Variants in KCNQ5 observed in about 807,000 individuals in gnomAD.
KCNQ5 encodes potassium voltage-gated channel subfamily Q member 5.
In KCNQ5, 30 loss-of-function variants were observed where a neutral mutation model predicts 98.2. The observed-to-expected ratio is 0.31, with a 90% CI of 0.23 to 0.41. The LOEUF (loss-of-function observed/expected upper bound fraction) is 0.41. KCNQ5 is among the 10% of genes least tolerant of loss of function. The pLI, the probability that KCNQ5 is intolerant of heterozygous loss-of-function variation, is 1.00. For synonymous variants in KCNQ5, 458 were observed against 449.4 expected (o/e 1.02, Z -0.24); for missense variants, 835 against 1,182.5 (o/e 0.71, Z 4.31).
intron 1 of KCNQ5, among the ~76,000 whole-genome samples, chr6:72,800,976 C>T (rs1288780242): frequency 1.3e-5 from 2 of 151,910 alleles, no homozygotes; most frequent in Non-Finnish European, 2.9e-5. Context: ...TTTGATTGCA[C>T]TGTGGTCTGA....
At chr6:72,643,963 T>C (rs1462774503) in intron 1 of KCNQ5, among the ~76,000 whole-genome samples, 2 of 152,112 alleles carry the variant, frequency 1.3e-5, no homozygotes, top group Non-Finnish European at 2.9e-5. Context: ...TACTGCATCC[T>C]TTGAAAAGAA....
chr6:73,143,198 T>G (rs1316899016), intron 10 of KCNQ5, among the ~76,000 whole-genome samples: 1 of 152,164 alleles, frequency 6.6e-6, no homozygotes, highest in Non-Finnish European at 1.5e-5. Context: ...AAATCAAAGT[T>G]GGATGATCAA....
chr6:72,898,252 A>G (rs1183874573), intron 1 of KCNQ5, among the ~76,000 whole-genome samples: 1 of 152,072 alleles, frequency 6.6e-6, no homozygotes, highest in Non-Finnish European at 1.5e-5. Flanking sequence ...TGCTGCATCT[A>G]TCAACCCGTC....
At chr6:72,955,374 G>A (rs1405221671) in intron 1 of KCNQ5, among the ~76,000 whole-genome samples, 1 of 152,056 alleles carries the variant, frequency 6.6e-6, no homozygotes. Context: ...TCAAATTGAG[G>A]CCTTTGATTA....
chr6:73,173,644 A>G (rs957886045), intron 11 of KCNQ5, among the ~76,000 whole-genome samples: 3 of 152,198 alleles, frequency 2.0e-5, no homozygotes, highest in Non-Finnish European at 4.4e-5. Flanking sequence ...AAATTAATAT[A>G]TGCTGTTTAA....
intron 1 of KCNQ5, among the ~76,000 whole-genome samples, chr6:72,856,839 T>C (rs3005764): frequency 0.27 from 41,108 of 152,154 alleles, 5,643 homozygotes; most frequent in South Asian, 0.31. Flanking sequence ...TCTGGTGATG[T>C]AGCTGCACAC....
chr6:72,864,948 A>C (rs2150156278), intron 1 of KCNQ5, among the ~76,000 whole-genome samples: 1 of 152,372 alleles, frequency 6.6e-6, no homozygotes, highest in Middle Eastern at 3.4e-3. Flanking sequence ...AGCTCTTCAC[A>C]TCTGAGTCAA....
intron 2 of KCNQ5, among the ~76,000 whole-genome samples, chr6:73,005,845 G>A (rs1014140459): frequency 6.6e-6 from 1 of 152,100 alleles, no homozygotes; most frequent in Non-Finnish European, 1.5e-5. Context: ...ATAGGGAGAG[G>A]GTTTGTTAAT....
Position 72,928,675 on chromosome 6 carries a change from A to C in KCNQ5, c.399-75233A>C, listed in dbSNP as rs1190527071. On this transcript the variant is annotated intron_variant, in intron 1 of 13. Coordinates refer to ENST00000370398, the MANE Select transcript of KCNQ5 (RefSeq NM_019842.4). ...TCTAGCTAGCTAGCTACATAGATAG[A>C]TAGAAGTAGACAGAGATATAGATAT... Among the ~76,000 whole-genome samples, 56 of 152,244 alleles carry C rather than the reference A, an allele frequency of 3.7e-4. No homozygotes were observed. The Middle Eastern group carries it at 0.01, about 28-fold the overall frequency.
At chr6:72,645,491 T>A (rs546735756) in intron 1 of KCNQ5, among the ~76,000 whole-genome samples, 2 of 152,138 alleles carry the variant, frequency 1.3e-5, no homozygotes, top group East Asian at 3.9e-4. Context: ...GGAAGTTTAA[T>A]AAGTAGGAAA....
In KCNQ5 at chr6:72,698,813, C is replaced by A. The variant is rs575332460; in HGVS notation, c.398+76226C>A. On this transcript the variant is annotated intron_variant, in intron 1 of 13. Transcript: ENST00000370398. Reference sequence around the variant, plus strand: ...AGGACTGCAGGCATGCACTTCCATGCCTGGCTATTTTTTTATTTTTATTGT... The same window carrying A: ...AGGACTGCAGGCATGCACTTCCATGACTGGCTATTTTTTTATTTTTATTGT... Among the ~76,000 whole-genome samples, 12 of 151,584 alleles carry A rather than the reference C, an allele frequency of 7.9e-5. No individual in the cohort carries two copies. The South Asian group carries it at 2.5e-3, about 32-fold the overall frequency.
At chr6:72,747,882 A>G (rs1473888573) in intron 1 of KCNQ5, among the ~76,000 whole-genome samples, 2 of 152,190 alleles carry the variant, frequency 1.3e-5, no homozygotes, top group Non-Finnish European at 2.9e-5. Flanking sequence ...AAATAAAGAA[A>G]AGGCTTTCCC....
At chr6:72,897,109 A>T (rs2150189183) in intron 1 of KCNQ5, among the ~76,000 whole-genome samples, 1 of 152,268 alleles carries the variant, frequency 6.6e-6, no homozygotes, top group East Asian at 1.9e-4. Context: ...CGATGGGAAG[A>T]GCAGAGTACT....
chr6:72,867,709 G>A (rs982490569), intron 1 of KCNQ5, among the ~76,000 whole-genome samples: 2 of 151,916 alleles, frequency 1.3e-5, no homozygotes, highest in Non-Finnish European at 2.9e-5. Flanking sequence ...AGGCTGAGGT[G>A]GGAGGGTCAC....
intron 1 of KCNQ5, among the ~76,000 whole-genome samples, chr6:72,941,666 CTCTTTCTT>C (rs11266961): frequency 3.6e-5 from 3 of 83,158 alleles, no homozygotes; most frequent in African/African-American, 1.5e-4. Flanking sequence ...CCCTCCCCAT[CTCTTTCTT>C]TCTTTCTTTC....
chr6:72,820,161 T>C (rs1435732576), intron 1 of KCNQ5, among the ~76,000 whole-genome samples: 1 of 152,230 alleles, frequency 6.6e-6, no homozygotes, highest in African/African-American at 2.4e-5. Flanking sequence ...TAGACATATG[T>C]CAGCTTCTCT....
intron 1 of KCNQ5, among the ~76,000 whole-genome samples, chr6:72,861,377 G>A (rs757003543): frequency 2.0e-5 from 3 of 152,088 alleles, no homozygotes; most frequent in Non-Finnish European, 4.4e-5. Context: ...GTAGAAGAAA[G>A]ACCAGTGTGG....
intron 1 of KCNQ5, among the ~76,000 whole-genome samples, chr6:72,905,881 C>T (rs946892370): frequency 6.6e-6 from 1 of 152,104 alleles, no homozygotes; most frequent in African/African-American, 2.4e-5. Flanking sequence ...GGCCTCCTGC[C>T]AGGAGGTGGC....
chr6:72,882,672 A>G (rs1428865502), intron 1 of KCNQ5, among the ~76,000 whole-genome samples: 1 of 152,308 alleles, frequency 6.6e-6, no homozygotes, highest in East Asian at 1.9e-4. Context: ...TCTAAAAATC[A>G]ACATTTTAAA....
Sources: allele counts gnomAD v4.1 joint callset (sites outside exome capture counted in the v4.1 genomes callset), GRCh38; gene constraint gnomAD v4.1.1; transcripts MANE v1.5; gene names NCBI Gene and HGNC (gene_info 2026-07-23, HGNC 2026-07-21).